MTFR1: variants seen among roughly 807,000 people sequenced by gnomAD.
The protein encoded by MTFR1 is mitochondrial fission regulator 1, also known as chondrocyte protein with a poly-proline region.
In MTFR1, 28 loss-of-function variants were observed where a neutral mutation model predicts 38.8. That is an observed-to-expected ratio of 0.72 (90% confidence interval 0.53 to 0.99). MTFR1 has a LOEUF of 0.99. MTFR1 is among the 50% of genes least tolerant of loss of function. The pLI is 0.00. For synonymous variants in MTFR1, 145 were observed against 137.0 expected (o/e 1.06, Z -0.41); for missense variants, 358 against 395.5 (o/e 0.91, Z 0.81).
intron 2 of MTFR1, among the ~76,000 whole-genome samples, chr8:65,676,070 A>C (rs1452518083): frequency 1.3e-5 from 2 of 152,160 alleles, no homozygotes; most frequent in Admixed American, 6.5e-5. Flanking sequence ...GGAAGAAGAG[A>C]ACTGAGGGAA....
At chr8:65,744,338 A>T (rs1420714698) in intron 3 of MTFR1, among the ~76,000 whole-genome samples, 1 of 152,230 alleles carries the variant, frequency 6.6e-6, no homozygotes, top group African/African-American at 2.4e-5. Flanking sequence ...TACCCAAATA[A>T]AAATATACTA....
At chr8:65,704,558 T>G (rs1293173993) in intron 4 of MTFR1, 136 bp from the exon 5 acceptor site, 1 of 664,526 alleles carries the variant, frequency 1.5e-6, no homozygotes, top group Non-Finnish European at 2.6e-6. Flanking sequence ...GTTTTTGTCC[T>G]TACACGAAGG....
At chr8:65,739,518 T>C in intron 3 of MTFR1, 1 of 1,566,202 alleles carries the variant, frequency 6.4e-7, no homozygotes, top group East Asian at 2.3e-5. Context: ...ATCTACGAAG[T>C]TTCATCATAT....
intron 3 of MTFR1, among the ~76,000 whole-genome samples, chr8:65,762,302 C>T (rs1001511859): frequency 1.3e-5 from 2 of 152,088 alleles, no homozygotes; most frequent in Non-Finnish European, 2.9e-5. Context: ...TACACTTACC[C>T]TACATCTACG....
intron 3 of MTFR1, chr8:65,724,704 A>C: frequency 5.3e-5 from 65 of 1,221,052 alleles, no homozygotes; most frequent in Non-Finnish European, 6.5e-5. Flanking sequence ...AAACTACACT[A>C]GAATATTCAT....
chr8:65,691,331 G>A (rs1388772587), intron 3 of MTFR1, among the ~76,000 whole-genome samples: 1 of 151,806 alleles, frequency 6.6e-6, no homozygotes, highest in South Asian at 2.1e-4. Context: ...TCTGTTGCCC[G>A]GGCTGGAGTG....
At chr8:65,681,057 C>A (rs375331396) in intron 2 of MTFR1, among the ~76,000 whole-genome samples, 1 of 151,682 alleles carries the variant, frequency 6.6e-6, no homozygotes, top group Non-Finnish European at 1.5e-5. Context: ...GGACTACAGG[C>A]GCCCGCCACC....
chr8:65,715,957 A>G (rs768426978), intron 2 of MTFR1, among the ~76,000 whole-genome samples: 25 of 133,860 alleles, frequency 1.9e-4, no homozygotes, highest in Non-Finnish European at 3.3e-4. Context: ...ATATCGCGGC[A>G]CTGCACTCCA....
At chr8:65,720,409 C>G (rs1023066179) in intron 3 of MTFR1, 1 of 154,126 alleles carries the variant, frequency 6.5e-6, no homozygotes, top group African/African-American at 2.4e-5. Flanking sequence ...CCAAGACTCT[C>G]GTTGCAGCAA....
At chr8:65,772,088 A>G (rs963871038), downstream of MTFR1, among the ~76,000 whole-genome samples, 1 of 152,146 alleles carries the variant, frequency 6.6e-6, no homozygotes, top group African/African-American at 2.4e-5. Flanking sequence ...GGATTTAATG[A>G]GACTGGATTT....
chr8:65,665,261 A>G (rs1231254678), intron 1 of MTFR1, among the ~76,000 whole-genome samples: 2 of 152,086 alleles, frequency 1.3e-5, no homozygotes, highest in East Asian at 3.9e-4. Flanking sequence ...AACTCCACAT[A>G]AAACCATCCT....
At chr8:65,774,833 A>G (rs944187882), downstream of MTFR1, among the ~76,000 whole-genome samples, 11 of 152,194 alleles carry the variant, frequency 7.2e-5, no homozygotes, top group African/African-American at 2.7e-4. Context: ...TGTTTCTCAT[A>G]TCTGCTAATA....
chr8:65,651,233 C>T (rs1160427636), intron 1 of MTFR1, among the ~76,000 whole-genome samples: 8 of 152,056 alleles, frequency 5.3e-5, no homozygotes, highest in South Asian at 2.1e-4. Context: ...ATTTTTTTTC[C>T]GTTCTGTGGG....
chr8:65,711,505 A>AGAT (rs929454763), downstream of MTFR1, among the ~76,000 whole-genome samples: 7 of 152,236 alleles, frequency 4.6e-5, no homozygotes, highest in African/African-American at 7.2e-5. Flanking sequence ...ATTGCCAGAT[A>AGAT]GATAGAATGA....
intron 1 of MTFR1, among the ~76,000 whole-genome samples, chr8:65,662,032 C>CCTCTCTCCCTCCCT (rs1563435670): frequency 9.9e-6 from 1 of 100,534 alleles, no homozygotes; most frequent in South Asian, 4.4e-4. Context: ...TCTCTCTCTC[C>CCTCTCTCCCTCCCT]CTCTCTCTCC....
At chr8:65,645,124 G>A (rs1251940223) in intron 1 of MTFR1, among the ~76,000 whole-genome samples, 1 of 152,078 alleles carries the variant, frequency 6.6e-6, no homozygotes, top group Admixed American at 6.5e-5. Context: ...TCGGACCCCC[G>A]GTTCCCGCGC....
intron 3 of MTFR1, among the ~76,000 whole-genome samples, chr8:65,684,699 T>C (rs1805018270): frequency 6.6e-6 from 1 of 151,770 alleles, no homozygotes; most frequent in South Asian, 2.1e-4. Flanking sequence ...CTGAGTCTTT[T>C]AAAATTCAAC....
At chr8:65,686,579 CAAAAA>C (rs757100773) in intron 3 of MTFR1, among the ~76,000 whole-genome samples, 57 of 62,398 alleles carry the variant, frequency 9.1e-4, no homozygotes, top group Non-Finnish European at 2.7e-4. Context: ...GACTCCGTCT[CAAAAA>C]AAAAAAAAAA....
intron 3 of MTFR1, among the ~76,000 whole-genome samples, chr8:65,747,964 T>C (rs996426639): frequency 6.6e-6 from 1 of 152,172 alleles, no homozygotes; most frequent in Non-Finnish European, 1.5e-5. Flanking sequence ...CTATTTTATT[T>C]TATTTTTTTA....
Sources: allele counts gnomAD v4.1 joint callset (sites outside exome capture counted in the v4.1 genomes callset), GRCh38; gene constraint gnomAD v4.1.1; transcripts MANE v1.5; gene names NCBI Gene and HGNC (gene_info 2026-07-23, HGNC 2026-07-21).